The following CPED1 variants were observed in gnomAD, a reference collection of about 807,000 sequenced individuals.
CPED1 encodes cadherin-like and PC-esterase domain-containing protein 1.
In CPED1, 114 loss-of-function variants were observed where a neutral mutation model predicts 128.2. That is an observed-to-expected ratio of 0.89 (90% CI 0.76 to 1.04). The LOEUF (loss-of-function observed/expected upper bound fraction) is 1.04, where lower values mean the gene tolerates loss of function less well. Among genes scored for constraint, CPED1 ranks in the 50% least tolerant of loss-of-function variants. CPED1 has a pLI of 0.00. For missense variants in CPED1, 1,211 were observed against 1,207.1 expected (o/e 1.00, Z -0.05); for synonymous variants, 462 against 426.7 (o/e 1.08, Z -1.02).
intron 22 of CPED1, among the ~76,000 whole-genome samples, chr7:121,284,561 G>T (rs74658221): frequency 6.6e-6 from 1 of 152,108 alleles, no homozygotes; most frequent in African/African-American, 2.4e-5. Context: ...ATAAAATGGG[G>T]GTACAGACAT....
At chr7:121,239,785 C>T (rs1465563887) in intron 17 of CPED1, among the ~76,000 whole-genome samples, 2 of 152,184 alleles carry the variant, frequency 1.3e-5, no homozygotes, top group African/African-American at 4.8e-5. Context: ...TGAAATCTAA[C>T]TTGCATTAAA....
chr7:120,989,061 G>C (rs150871188), intron 1 of CPED1, 149 bp downstream of exon 1: 423 of 154,188 alleles, frequency 2.7e-3, no homozygotes, highest in Non-Finnish European at 4.7e-3. Flanking sequence ...AAAACTAAAT[G>C]AAGGGAAGCA....
chr7:121,129,320 TATATATATATATATAC>T (rs1223688640), intron 11 of CPED1, among the ~76,000 whole-genome samples: 13 of 132,268 alleles, frequency 9.8e-5, no homozygotes, highest in African/African-American at 3.6e-4. Context: ...TACGTATATA[TATATATATATATATAC>T]GTATATATAT....
chr7:121,013,522 T>C (rs1024207584), intron 2 of CPED1, among the ~76,000 whole-genome samples: 2 of 152,214 alleles, frequency 1.3e-5, no homozygotes, highest in African/African-American at 4.8e-5. Flanking sequence ...TTGTTCTTTG[T>C]GATATATTAT....
chr7:121,064,149 C>A, intron 4 of CPED1, 89 bp from the exon 5 acceptor site: 3 of 851,700 alleles, frequency 3.5e-6, no homozygotes, highest in Non-Finnish European at 6.1e-6. Context: ...TGCATCCCAT[C>A]TATACTCTCT....
intron 4 of CPED1, among the ~76,000 whole-genome samples, chr7:121,057,010 C>A (rs7794369): frequency 6.6e-6 from 1 of 151,576 alleles, no homozygotes; most frequent in Non-Finnish European, 1.5e-5. Context: ...TGGAGTCTCA[C>A]TCTGCTGCCT....
At chr7:120,996,998 GTAATCCA>G (rs1796418050) in intron 2 of CPED1, among the ~76,000 whole-genome samples, 1 of 152,180 alleles carries the variant, frequency 6.6e-6, no homozygotes. Flanking sequence ...GTCTCTATGT[GTAATCCA>G]TAATCCATAA....
chr7:121,256,510 A>G (rs1465047972), intron 18 of CPED1, among the ~76,000 whole-genome samples: 1 of 152,096 alleles, frequency 6.6e-6, no homozygotes, highest in African/African-American at 2.4e-5. Flanking sequence ...ATACCATTTC[A>G]TACCAGTCAG....
chr7:121,059,388 CT>C lies in CPED1; in HGVS notation c.541-4846del, dbSNP rs540606527. ...TTCTCCTAATTCCTCGTCATTAATT[CT>C]TTTCATTGTGGATGATAATGAACAG... On this transcript the variant is annotated intron_variant, in intron 4 of 22. Coordinates refer to ENST00000310396, the MANE Select transcript of CPED1 (RefSeq NM_024913.5). 4.9e-4 allele frequency among the ~76,000 whole-genome samples: 74 copies of C among 152,264 alleles called. 4 individuals carry two copies. In the East Asian group the frequency reaches 0.014, roughly 29 times the overall value.
intron 18 of CPED1, among the ~76,000 whole-genome samples, chr7:121,249,433 G>A (rs908321484): frequency 6.6e-6 from 1 of 152,076 alleles, no homozygotes; most frequent in African/African-American, 2.4e-5. Context: ...CTAGAGAGAA[G>A]GGTCAAGTCT....
intron 22 of CPED1, among the ~76,000 whole-genome samples, chr7:121,282,344 C>G (rs1792478943): frequency 6.6e-6 from 1 of 152,116 alleles, no homozygotes; most frequent in Admixed American, 6.6e-5. Context: ...AGCTTTCTTT[C>G]AAAGTCACAT....
intron 22 of CPED1, among the ~76,000 whole-genome samples, chr7:121,283,932 C>T (rs1792511692): frequency 6.6e-6 from 1 of 152,172 alleles, no homozygotes. Context: ...TAGTGAAACA[C>T]TTTTTTCAGC....
chr7:121,275,887 C>A (rs1469152039), intron 22 of CPED1, among the ~76,000 whole-genome samples: 1 of 150,682 alleles, frequency 6.6e-6, no homozygotes, highest in South Asian at 2.1e-4. Flanking sequence ...AGTTTACTAT[C>A]TAACCACAAT....
intron 2 of CPED1, among the ~76,000 whole-genome samples, chr7:121,008,902 G>T (rs1792092852): frequency 6.6e-6 from 1 of 152,260 alleles, no homozygotes; most frequent in African/African-American, 2.4e-5. Flanking sequence ...CAAGCCAGAG[G>T]ACAGAGGCAG....
intron 22 of CPED1, among the ~76,000 whole-genome samples, chr7:121,289,218 C>A (rs1374643767): frequency 6.6e-6 from 1 of 152,158 alleles, no homozygotes; most frequent in Non-Finnish European, 1.5e-5. Flanking sequence ...TCAAGCAAAG[C>A]CAAACCTTCC....
rs570853505 is a variant in CPED1 at position 121,146,173 on chromosome 7, C to T, written c.2055+4032C>T. On this transcript the variant is annotated intron_variant, in intron 16 of 22. Coordinates refer to ENST00000310396, the MANE Select transcript of CPED1 (RefSeq NM_024913.5). ...AAATCAAAGCACCGGCCTTTGGTGT[C>T]TGGTGAGGTTCTTCGTGCTGCATCC... 2.0e-5 allele frequency among the ~76,000 whole-genome samples: 3 copies of T among 152,172 alleles called. No individual in the cohort carries two copies. In the East Asian group the frequency reaches 5.8e-4, roughly 29 times the overall value.
intron 16 of CPED1, among the ~76,000 whole-genome samples, chr7:121,163,716 A>G (rs1295744235): frequency 6.6e-6 from 1 of 152,224 alleles, no homozygotes; most frequent in Non-Finnish European, 1.5e-5. Flanking sequence ...GAGAGGGTTG[A>G]ACAATGGGCC....
At position 121,143,518 on chromosome 7, in the gene CPED1, G is replaced by T. The variant is rs567279178; in HGVS notation, c.2055+1377G>T. On this transcript the variant is annotated intron_variant, in intron 16 of 22. Coordinates refer to ENST00000310396, the MANE Select transcript of CPED1 (RefSeq NM_024913.5). ...CTCTTAGGTTTTGACCTTTCAATTT[G>T]CTTTATTTGGATTGCTGTCTCAACT... Among the ~76,000 whole-genome samples, 36 of 151,946 alleles carry T rather than the reference G, an allele frequency of 2.4e-4. 1 individual carries two copies. The highest frequency in any genetic ancestry group is 1.2e-3 in the Admixed American group (18 of 15,236).
intron 3 of CPED1, among the ~76,000 whole-genome samples, chr7:121,027,632 C>T (rs1248076963): frequency 6.6e-6 from 1 of 151,828 alleles, no homozygotes; most frequent in East Asian, 1.9e-4. Context: ...AACTCACATC[C>T]CCCTACCCCT....
Sources: gnomAD v4.1 joint callset for allele counts (sites outside exome capture counted in the v4.1 genomes callset) on GRCh38, gnomAD v4.1.1 for gene constraint, MANE v1.5 for transcripts, NCBI Gene and HGNC (gene_info 2026-07-23, HGNC 2026-07-21) for gene names.